The following UTP25 variants were observed in gnomAD, a reference collection of about 807,000 sequenced individuals.
The protein encoded by UTP25 is UTP25 small subunit processome component.
In UTP25, 50 loss-of-function variants were observed where a neutral mutation model predicts 78.9. The observed-to-expected ratio is 0.63, with a 90% CI of 0.50 to 0.80. UTP25 has a LOEUF of 0.80. Ranked by LOEUF, UTP25 falls within the 30% of genes least tolerant of loss-of-function variation. UTP25 has a pLI of 0.00. For missense variants in UTP25, 846 were observed against 911.3 expected (o/e 0.93, Z 0.92); for synonymous variants, 329 against 336.5 (o/e 0.98, Z 0.24).
Position 209,830,904 on chromosome 1 carries a change from TGAGGAAGAAGAGGAAGATGAG to T in UTP25, c.255_275del (p.Asp89_Glu95del), listed in dbSNP as rs770172723. ...TACTTGCTACATTAAAGAATGTTTC[TGAGGAAGAAGAGGAAGATGAG>T]GAGGAGGAAGAGGAAGAAGACAGTA... On this transcript the variant is annotated inframe_deletion, in exon 3 of 12. Transcript: ENST00000491415. 2.7e-5 allele frequency: 43 copies of T among 1,613,930 alleles called. No individual in the cohort carries two copies. The highest frequency in any genetic ancestry group is 3.6e-5 in the Non-Finnish European group (42 of 1,179,960).
chr1:209,836,483 TCTTCCCA>T (rs1221697558), intron 5 of UTP25, among the ~76,000 whole-genome samples: 4 of 152,256 alleles, frequency 2.6e-5, no homozygotes, highest in African/African-American at 7.2e-5. Context: ...GAATGTTGAC[TCTTCCCA>T]GAATATATTC....
chr1:209,842,450 G>A lies in UTP25; in HGVS notation c.1668+3G>A. ...ACTGTGTCAACATGCAAGGCCAGGTGGGTTCTCGTCTTGTTTCCTCAGTAT... is the reference window on the plus strand; with the variant it reads ...ACTGTGTCAACATGCAAGGCCAGGTAGGTTCTCGTCTTGTTTCCTCAGTAT... On this transcript the variant is annotated splice_donor_region_variant and intron_variant, in intron 9 of 11. Transcript: ENST00000491415. 6.2e-7 allele frequency: 1 copy of A among 1,614,084 alleles called. No homozygotes were observed. The highest frequency in any genetic ancestry group is 8.5e-7 in the Non-Finnish European group (1 of 1,179,978).
At chr1:209,839,998 G>T (rs140726696) in intron 7 of UTP25, among the ~76,000 whole-genome samples, 22 of 152,298 alleles carry the variant, frequency 1.4e-4, no homozygotes, top group Admixed American at 1.2e-3. Flanking sequence ...GTGGCTGAGT[G>T]GAGGAAAACA....
In UTP25 at chr1:209,831,024, G is replaced by A. The variant is rs766180295; in HGVS notation, c.369G>A (p.Glu123=). The A allele has an allele frequency of 2.5e-6, 4 of 1,614,026 alleles. No homozygotes were observed. Among genetic ancestry groups the A allele is most frequent in the Admixed American group, 3.3e-5 (2 of 60,014 alleles). Residue 123 remains glutamate (E), a synonymous_variant, in exon 3 of 12, where the codon GAG becomes GAA. Coordinates refer to ENST00000491415, the MANE Select transcript of UTP25 (RefSeq NM_014388.7). ...DVSVEEEMAA[E]STESPENVAL... ...GTGTGGAAGAAGAGATGGCTGCAGA[G>A]TCTACTGAAAGTCCAGAGAGTAAGT...
intron 10 of UTP25, chr1:209,842,943 G>A (rs554046494): frequency 2.1e-6 from 1 of 476,844 alleles, no homozygotes; most frequent in Admixed American, 3.8e-5. Context: ...TTTCACTCTT[G>A]ACTGTGGCAT....
chr1:209,839,122 A>C lies in UTP25; in HGVS notation c.1276A>C (p.Arg426=), dbSNP rs143030946. 9,066 of 1,603,388 alleles carry C rather than the reference A, an allele frequency of 5.7e-3. 41 individuals are homozygous for C. Among genetic ancestry groups the C allele is most frequent in the Middle Eastern group, 0.01 (62 of 6,004 alleles). ...VFVGNIDDHF[R]IGVAILQRSI... ...TGTGGGCAATATTGATGACCACTTCAGGATTGGTAATTCTTCCTTATCAAC... is the reference window on the plus strand; with the variant it reads ...TGTGGGCAATATTGATGACCACTTCCGGATTGGTAATTCTTCCTTATCAAC... The change falls in exon 7 of 12, where the codon AGG becomes CGG. Residue 426 remains arginine, a synonymous_variant. Coordinates refer to ENST00000491415, the MANE Select transcript of UTP25 (RefSeq NM_014388.7).
At chr1:209,848,719 T>G (rs539908398) in intron 11 of UTP25, among the ~76,000 whole-genome samples, 1 of 152,324 alleles carries the variant, frequency 6.6e-6, no homozygotes, top group East Asian at 1.9e-4. Flanking sequence ...TCTCCAAAGC[T>G]CCATAGACTG....
At position 209,842,386 on chromosome 1, in the gene UTP25, CCCT is replaced by C. The variant is rs1379834883; in HGVS notation, c.1608_1610del (p.Leu537del). ...TATCGCCAGACACTGCTATTTGGGG[CCCT>C]TCAGGATGCCCAGATCAACTCAGTG... is the stretch of plus-strand genomic sequence containing the variant. On this transcript the variant is annotated inframe_deletion, in exon 9 of 12. Coordinates refer to ENST00000491415, the MANE Select transcript of UTP25 (RefSeq NM_014388.7). 2 of 1,614,110 alleles carry C rather than the reference CCCT, an allele frequency of 1.2e-6. No individual in the cohort carries two copies. The highest frequency in any genetic ancestry group is 2.7e-5 in the African/African-American group (2 of 75,024).
Position 209,851,578 on chromosome 1 carries a change from A to G in UTP25, c.*131A>G. 1 of 1,171,910 alleles carries G rather than the reference A, an allele frequency of 8.5e-7. No homozygotes were observed. Among genetic ancestry groups the G allele is most frequent in the Non-Finnish European group, 1.2e-6 (1 of 859,922 alleles). The allele number at this position is 1,171,910 out of a possible 1,614,324, so 72.6% of individuals were successfully genotyped here. ...AAGTGCATGAGGCAATGTCAGTATT[A>G]TCTGACATCTTTCTTTTCAGGTCAT... On this transcript the variant is annotated 3_prime_UTR_variant, in exon 12 of 12. Coordinates refer to ENST00000491415, the MANE Select transcript of UTP25 (RefSeq NM_014388.7).
Position 209,839,053 on chromosome 1 carries a change from A to C in UTP25, c.1207A>C (p.Arg403=). ...QGEYGSDPEE[R]PPNLKRPEDY... ...AGAATATGGATCAGATCCCGAGGAGAGACCACCCAACTTGAAGAGGCCTGA... is the reference window on the plus strand; with the variant it reads ...AGAATATGGATCAGATCCCGAGGAGCGACCACCCAACTTGAAGAGGCCTGA... Residue 403 remains arginine, a synonymous_variant, in exon 7 of 12, where the codon AGA becomes CGA. Coordinates refer to ENST00000491415, the MANE Select transcript of UTP25 (RefSeq NM_014388.7). 1 of 1,614,120 alleles carries C rather than the reference A, an allele frequency of 6.2e-7. No individual in the cohort carries two copies. The highest frequency in any genetic ancestry group is 1.1e-5 in the South Asian group (1 of 91,082).
rs2078255142 is a variant in UTP25, at chr1:209,853,786, AGTCTGGATTT to A, written c.*2340_*2349del. On this transcript the variant is annotated 3_prime_UTR_variant, in exon 12 of 12. Coordinates refer to ENST00000491415, the MANE Select transcript of UTP25 (RefSeq NM_014388.7). ...TTCTCTGGCTCTCCACTCACATGTG[AGTCTGGATTT>A]CAAATCCATGATGTAGCCCCAGAAA... The A allele has an allele frequency of 6.6e-6, 1 of 152,202 alleles. No individual in the cohort carries two copies. The highest frequency in any genetic ancestry group is 2.4e-5 in the African/African-American group (1 of 41,452). 9.4% of individuals were successfully genotyped at this position (152,202 alleles called of 1,614,324 possible). A position where few individuals can be genotyped will look rare whatever the true frequency, so the allele number is the denominator to read the frequency against.
intron 10 of UTP25, chr1:209,843,092 A>C (rs1055979399): frequency 3.8e-5 from 13 of 340,464 alleles, no homozygotes; most frequent in Admixed American, 9.2e-5. Flanking sequence ...GACCCCAAAG[A>C]AGCTTAGTGA....
At chr1:209,829,151 T>C (rs77864775) in intron 1 of UTP25, among the ~76,000 whole-genome samples, 38 of 152,362 alleles carry the variant, frequency 2.5e-4, no homozygotes, top group Non-Finnish European at 3.8e-4. Flanking sequence ...TTGATAACAA[T>C]ACATGTACCC....
chr1:209,842,458 G>A lies in UTP25; in HGVS notation c.1668+11G>A, dbSNP rs557488524. The A allele has an allele frequency of 2.3e-5, 37 of 1,614,066 alleles. No individual in the cohort carries two copies. The highest frequency in any genetic ancestry group is 5.0e-5 in the Admixed American group (3 of 60,022). ...AACATGCAAGGCCAGGTGGGTTCTC[G>A]TCTTGTTTCCTCAGTATCTTCATGA... On this transcript the variant is annotated intron_variant, in intron 9 of 11. Transcript: ENST00000491415.
rs532138145 is a variant in UTP25, at chr1:209,832,982, A to G, written c.389-203A>G. On this transcript the variant is annotated intron_variant, in intron 3 of 11. Transcript: ENST00000491415. ...ATATCTGGGCACTGTGTCCCAGCCAAATTGAGACATAAAACCCACCATCAT... is the reference window on the plus strand; with the variant it reads ...ATATCTGGGCACTGTGTCCCAGCCAGATTGAGACATAAAACCCACCATCAT... Among the ~76,000 whole-genome samples the G allele has an allele frequency of 3.3e-5, 5 of 152,330 alleles. No homozygotes were observed. In the East Asian group the frequency reaches 9.6e-4, roughly 29 times the overall value.
chr1:209,828,041 T>TCC lies in UTP25; in HGVS notation c.-23_-22insCC. On this transcript the variant is annotated 5_prime_UTR_variant, in exon 1 of 12. Transcript: ENST00000491415. ...GGTGGAAAACCGCGACTCTTGCAAG[T>TCC]GGGCAAACTTGACGTTTTCGCTATG... 6.2e-7 allele frequency: 1 copy of TCC among 1,601,330 alleles called. No individual in the cohort carries two copies. Among genetic ancestry groups the TCC allele is most frequent in the Non-Finnish European group, 8.6e-7 (1 of 1,168,432 alleles).
chr1:209,851,130 T>TG, intron 11 of UTP25, 74 bp from the exon 12 acceptor site: 2 of 1,524,932 alleles, frequency 1.3e-6, no homozygotes, highest in South Asian at 2.6e-5. Flanking sequence ...ACTATGCCTC[T>TG]GTACAACTCC....
At chr1:209,840,480 T>C (rs1239187563) in intron 7 of UTP25, among the ~76,000 whole-genome samples, 1 of 152,202 alleles carries the variant, frequency 6.6e-6, no homozygotes, top group Non-Finnish European at 1.5e-5. Context: ...CTCTCAAAAG[T>C]GTTCATCCTG....
Position 209,842,305 on chromosome 1 carries a change from A to G in UTP25, c.1526A>G (p.His509Arg), listed in dbSNP as rs1322184282. The change falls in exon 9 of 12, where the codon CAT becomes CGT. Residue 509 changes from histidine to arginine, a missense_variant. Physicochemically the swap from His to Arg is conservative, Grantham distance 29 (BLOSUM62 0). Transcript: ENST00000491415. ...ATGAACCTACTACCCCTGGACTCAC[A>G]TGGGGTAGACTTTTCTCGAGTGCGG... ...NHMNLLPLDS[H>R]GVDFSRVRMW... The G allele has an allele frequency of 6.2e-7, 1 of 1,614,006 alleles. No individual in the cohort carries two copies. The highest frequency in any genetic ancestry group is 2.2e-5 in the East Asian group (1 of 44,884).
Sources: allele counts gnomAD v4.1 joint callset (sites outside exome capture counted in the v4.1 genomes callset), GRCh38; gene constraint gnomAD v4.1.1; transcripts MANE v1.5; gene names NCBI Gene and HGNC (gene_info 2026-07-23, HGNC 2026-07-21).